The following NOXRED1 variants were observed in gnomAD, a reference collection of about 807,000 sequenced individuals.
NOXRED1 encodes the protein NADP-dependent oxidoreductase domain-containing protein 1.
Under a neutral mutation model 30.4 loss-of-function variants are expected in NOXRED1, and 20 were observed. The observed-to-expected ratio is 0.66, with a 90% CI of 0.46 to 0.96. The LOEUF is 0.96. NOXRED1 is among the 40% of genes least tolerant of loss of function. NOXRED1 has a pLI of 0.00. For synonymous variants in NOXRED1, 155 were observed against 168.0 expected, an observed-to-expected ratio of 0.92 and a Z score of 0.60; for missense variants, 374 against 428.0, an observed-to-expected ratio of 0.87 and a Z score of 1.11.
chr14:77,405,884 G>A (rs1228599546), intron 5 of NOXRED1, 29 bp downstream of exon 5: 2 of 1,335,306 alleles, frequency 1.5e-6, no homozygotes, highest in South Asian at 1.2e-5. Context: ...TGGGAGAAAT[G>A]AGAATGGCCA....
intron 4 of NOXRED1, 76 bp downstream of exon 4, chr14:77,406,642 GAGAGAT>G: frequency 8.5e-7 from 1 of 1,180,316 alleles, no homozygotes; most frequent in African/African-American, 1.5e-5. Context: ...CACAGAGAGA[GAGAGAT>G]TGATTTAATA....
At chr14:77,402,471 T>C (rs905767537) in intron 5 of NOXRED1, among the ~76,000 whole-genome samples, 2 of 151,694 alleles carry the variant, frequency 1.3e-5, no homozygotes, top group Non-Finnish European at 2.9e-5. Flanking sequence ...ATTAAAAATA[T>C]ATAAATACAA....
At position 77,414,001 on chromosome 14, in the gene NOXRED1, TG is replaced by T; in HGVS notation, c.281del (p.Thr94AsnfsTer41). 6.2e-7 allele frequency: 1 copy of T among 1,611,614 alleles called. No individual in the cohort carries two copies. Among genetic ancestry groups the T allele is most frequent in the South Asian group, 1.1e-5 (1 of 90,788 alleles). ...GGHLGKQLAG[T>X]LLQLGPIPAE... ...CAGGGATGGGGCCAAGCTGCAGCAG[TG>T]TGCCAGCCAGCTGCTTCCCAAGGTG... On this transcript the variant is annotated frameshift_variant, in exon 2 of 6. Coordinates refer to ENST00000380835, the MANE Select transcript of NOXRED1 (RefSeq NM_001113475.3). LOFTEE classifies it high-confidence loss of function.
In NOXRED1 at chr14:77,394,803, G is replaced by A. The variant is rs1232420721; in HGVS notation, c.908C>T (p.Pro303Leu). The A allele has an allele frequency of 6.2e-7, 1 of 1,607,672 alleles. No homozygotes were observed. The highest frequency in any genetic ancestry group is 8.5e-7 in the Non-Finnish European group (1 of 1,176,600). ...AGCAGTCAGATCAAACCAGGGGAAAGGCCTGAGGTGAAAAAAATATTGTTA... is the reference window on the plus strand; with the variant it reads ...AGCAGTCAGATCAAACCAGGGGAAAAGCCTGAGGTGAAAAAAATATTGTTA... ...AYGKNLSQER[P>L]FPWFDLTAVQ... The change falls in exon 6 of 6, where the codon CCT becomes CTT. Residue 303 changes from proline (P) to leucine (L), a missense_variant and splice_region_variant. By Grantham distance (98) the Pro-to-Leu change is moderately conservative (BLOSUM62 -3). Coordinates refer to ENST00000380835, the MANE Select transcript of NOXRED1 (RefSeq NM_001113475.3).
intron 2 of NOXRED1, among the ~76,000 whole-genome samples, chr14:77,408,892 A>ATTTTTTTTTTTTTTCTTTTTTT (rs1894557382): frequency 1.5e-5 from 1 of 68,154 alleles, no homozygotes; most frequent in African/African-American, 5.1e-5. Flanking sequence ...CTGGTAGTTA[A>ATTTTTTTTTTTTTTCTTTTTTT]TTTTTTTTTT....
At chr14:77,415,631 T>TAGATAGATAGATAGACAGACAGAC (rs1555363632) in intron 1 of NOXRED1, among the ~76,000 whole-genome samples, 5 of 141,314 alleles carry the variant, frequency 3.5e-5, no homozygotes, top group Non-Finnish European at 7.6e-5. Flanking sequence ...GATAGATAGA[T>TAGATAGATAGATAGACAGACAGAC]AGACAGACAG....
chr14:77,423,059 A>G lies in NOXRED1; in HGVS notation c.-170T>C. 1.7e-6 allele frequency: 1 copy of G among 593,660 alleles called. No individual in the cohort carries two copies. The highest frequency in any genetic ancestry group is 3.0e-6 in the Non-Finnish European group (1 of 338,050). 36.8% of individuals were successfully genotyped at this position (593,660 alleles called of 1,614,324 possible). On this transcript the variant is annotated 5_prime_UTR_variant, in exon 1 of 6. Coordinates refer to ENST00000380835, the MANE Select transcript of NOXRED1 (RefSeq NM_001113475.3). ...CTCTACTCCCAGATTCTGAATTTGGAATTCACCTCTCTTGAATTCACACTC... is the reference window on the plus strand; with the variant it reads ...CTCTACTCCCAGATTCTGAATTTGGGATTCACCTCTCTTGAATTCACACTC...
upstream of NOXRED1, among the ~76,000 whole-genome samples, chr14:77,425,504 T>G (rs925584757): frequency 3.3e-5 from 5 of 152,220 alleles, no homozygotes; most frequent in Non-Finnish European, 7.3e-5. Flanking sequence ...ACCAATAATT[T>G]TAGTACAATC....
intron 1 of NOXRED1, among the ~76,000 whole-genome samples, chr14:77,417,752 T>C (rs1415730025): frequency 6.6e-6 from 1 of 152,210 alleles, no homozygotes; most frequent in Admixed American, 6.6e-5. Context: ...CGGTATCTTT[T>C]GATTGATGGG....
chr14:77,415,584 A>G (rs1894788715), intron 1 of NOXRED1, among the ~76,000 whole-genome samples: 1 of 132,360 alleles, frequency 7.6e-6, no homozygotes, highest in Non-Finnish European at 1.6e-5. Flanking sequence ...AAGAAAATAC[A>G]TATAGATAGA....
intron 5 of NOXRED1, among the ~76,000 whole-genome samples, 165 bp downstream of exon 5, chr14:77,405,748 G>A (rs1042322078): frequency 1.3e-5 from 2 of 152,160 alleles, no homozygotes; most frequent in African/African-American, 4.8e-5. Context: ...ATGGGATTTG[G>A]AAGGCAAAGG....
rs141814619 is a variant in NOXRED1 at position 77,406,759 on chromosome 14, G to A, written c.647C>T (p.Thr216Met). The A allele has an allele frequency of 5.5e-5, 88 of 1,613,958 alleles. No homozygotes were observed. Among genetic ancestry groups the A allele is most frequent in the South Asian group, 1.5e-4 (14 of 91,086 alleles). ...KGVIAALQDP[T>M]ILQATCPYSP... ...GTAGGGACAGGTAGCTTGAAGAATC[G>A]TAGGATCTTGGAGAGCAGCTATGAC... The change falls in exon 4 of 6, where the codon ACG becomes ATG. Residue 216 changes from threonine (T) to methionine (M), a missense_variant. Coordinates refer to ENST00000380835, the MANE Select transcript of NOXRED1 (RefSeq NM_001113475.3).
Position 77,407,530 on chromosome 14 carries a change from T to C in NOXRED1, c.465A>G (p.Glu155=). 1.2e-6 allele frequency: 2 copies of C among 1,614,062 alleles called. No individual in the cohort carries two copies. Among genetic ancestry groups the C allele is most frequent in the South Asian group, 1.1e-5 (1 of 91,084 alleles). Residue 155 remains glutamate (E), a synonymous_variant, in exon 3 of 6, where the codon GAA becomes GAG. Transcript: ENST00000380835. ...LPSQLPNICV[E]IYTSLEKASI... is the part of the protein sequence containing the mutation. The stretch of plus-strand genomic sequence containing the variant: ...TGGCCTTCTCAAGGCTGGTGTAAAT[T>C]TCTACGCAGATATTAGGCAGCTGAG...
At chr14:77,412,386 T>C (rs1334949814) in intron 2 of NOXRED1, among the ~76,000 whole-genome samples, 1 of 152,156 alleles carries the variant, frequency 6.6e-6, no homozygotes, top group African/African-American at 2.4e-5. Flanking sequence ...CACAACTACA[T>C]AGTCTGTGCA....
rs182192947 is a variant in NOXRED1 at position 77,401,240 on chromosome 14, C to T, written c.905+4673G>A. On this transcript the variant is annotated intron_variant, in intron 5 of 5. Coordinates refer to ENST00000380835, the MANE Select transcript of NOXRED1 (RefSeq NM_001113475.3). ...TACAAAAATTAGCTGGGCATGGTGG[C>T]GGGTGCCTGTAATCCCAGCTACTGG... Among the ~76,000 whole-genome samples the T allele has an allele frequency of 1.1e-4, 17 of 151,828 alleles. 1 individual carries two copies. The highest frequency in any genetic ancestry group is 4.2e-4 in the South Asian group (2 of 4,800).
At chr14:77,416,847 C>T (rs1894840776) in intron 1 of NOXRED1, among the ~76,000 whole-genome samples, 1 of 152,008 alleles carries the variant, frequency 6.6e-6, no homozygotes, top group African/African-American at 2.4e-5. Context: ...CCCCCCACCT[C>T]CCTCCCGGAC....
intron 1 of NOXRED1, among the ~76,000 whole-genome samples, chr14:77,419,857 C>T (rs1894943286): frequency 6.6e-6 from 1 of 152,144 alleles, no homozygotes; most frequent in Non-Finnish European, 1.5e-5. Flanking sequence ...TGGGAACTCC[C>T]TTGCATGTGA....
intron 1 of NOXRED1, among the ~76,000 whole-genome samples, chr14:77,418,682 A>C (rs1594881780): frequency 6.7e-6 from 1 of 150,326 alleles, no homozygotes; most frequent in South Asian, 2.1e-4. Flanking sequence ...GGTGTGTACC[A>C]CTATGCCCAG....
Position 77,394,731 on chromosome 14 carries a change from G to T in NOXRED1, c.980C>A (p.Pro327His). 1 of 1,613,010 alleles carries T rather than the reference G, an allele frequency of 6.2e-7. No individual in the cohort carries two copies. The highest frequency in any genetic ancestry group is 8.5e-7 in the Non-Finnish European group (1 of 1,179,026). ...ATGGGTAAGGTGGTCTTGGAGAACA[G>T]GACTACTTGAGAGATGCTGGCTAAA... ...TPFSQHLSSS[P>H]VLQDHLTHLY... The change falls in exon 6 of 6, where the codon CCT becomes CAT. Residue 327 changes from proline to histidine, a missense_variant. Physicochemically the swap from Pro to His is moderately conservative, Grantham distance 77. Coordinates refer to ENST00000380835, the MANE Select transcript of NOXRED1 (RefSeq NM_001113475.3).
Sources: allele counts gnomAD v4.1 joint callset (sites outside exome capture counted in the v4.1 genomes callset), GRCh38; gene constraint gnomAD v4.1.1; transcripts MANE v1.5; gene names NCBI Gene and HGNC (gene_info 2026-07-23, HGNC 2026-07-21).